QRSL1: variants seen among roughly 807,000 people sequenced by gnomAD.
QRSL1 encodes the protein glutaminyl-tRNA amidotransferase subunit QRSL1.
QRSL1 carries 54 observed loss-of-function variants against 61.6 expected under a neutral mutation model. That is an observed-to-expected ratio of 0.88 (90% CI 0.70 to 1.10). The LOEUF (loss-of-function observed/expected upper bound fraction) is 1.10. Ranked by LOEUF, QRSL1 falls within the 50% of genes least tolerant of loss-of-function variation. The pLI is 0.00. For synonymous variants in QRSL1, 228 were observed against 225.7 expected, an observed-to-expected ratio of 1.01 and a Z score of -0.09; for missense variants, 505 against 622.6, an observed-to-expected ratio of 0.81 and a Z score of 2.01.
chr6:106,643,816 G>T (rs138749371), intron 4 of QRSL1, among the ~76,000 whole-genome samples: 2 of 151,614 alleles, frequency 1.3e-5, no homozygotes, highest in East Asian at 3.9e-4. Flanking sequence ...AAGAGTAAAA[G>T]TTCTTAATTT....
intron 1 of QRSL1, among the ~76,000 whole-genome samples, chr6:106,638,711 C>T (rs948425040): frequency 6.6e-6 from 1 of 152,182 alleles, no homozygotes; most frequent in Admixed American, 6.5e-5. Context: ...CTGCAGCAGT[C>T]CTGCAGCCTC....
At chr6:106,655,871 C>T (rs1777262309) in intron 9 of QRSL1, 139 bp downstream of exon 9, 2 of 568,940 alleles carry the variant, frequency 3.5e-6, no homozygotes, top group African/African-American at 1.9e-5. Flanking sequence ...GTTTATGGCA[C>T]TTTTGGGTCC....
intron 3 of QRSL1, among the ~76,000 whole-genome samples, chr6:106,641,515 T>C (rs543209232): frequency 1.7e-3 from 252 of 152,310 alleles, no homozygotes; most frequent in African/African-American, 5.8e-3. Flanking sequence ...CTTTAGAGTT[T>C]GGTCAAAAGA....
At chr6:106,656,597 A>G (rs1430809580) in intron 9 of QRSL1, among the ~76,000 whole-genome samples, 1 of 152,250 alleles carries the variant, frequency 6.6e-6, no homozygotes, top group Non-Finnish European at 1.5e-5. Flanking sequence ...GTTTTTCTCC[A>G]TGCCCTCAAG....
chr6:106,633,023 C>CT (rs1262835175), intron 1 of QRSL1, among the ~76,000 whole-genome samples: 1 of 152,158 alleles, frequency 6.6e-6, no homozygotes, highest in Non-Finnish European at 1.5e-5. Flanking sequence ...TTTTTTAGTG[C>CT]TACTTCTCTC....
chr6:106,641,653 T>G (rs1479449915), intron 3 of QRSL1, among the ~76,000 whole-genome samples: 1 of 152,220 alleles, frequency 6.6e-6, no homozygotes, highest in Non-Finnish European at 1.5e-5. Context: ...ATATGCAGAC[T>G]GTTGTTAATT....
intron 10 of QRSL1, among the ~76,000 whole-genome samples, chr6:106,664,710 A>G (rs1777406190): frequency 6.6e-6 from 1 of 152,192 alleles, no homozygotes; most frequent in Non-Finnish European, 1.5e-5. Flanking sequence ...TCATGTCAGG[A>G]AACAGTTAAT....
chr6:106,636,900 T>C (rs1224132006), intron 1 of QRSL1, among the ~76,000 whole-genome samples: 1 of 152,220 alleles, frequency 6.6e-6, no homozygotes, highest in Non-Finnish European at 1.5e-5. Context: ...GGTATATTAG[T>C]TGTCTATGGC....
At chr6:106,639,103 A>G (rs1162356723) in intron 1 of QRSL1, among the ~76,000 whole-genome samples, 1 of 113,254 alleles carries the variant, frequency 8.8e-6, no homozygotes, top group Non-Finnish European at 1.7e-5. Context: ...TTGTGTGGTT[A>G]TTTGTGTGTT....
intron 1 of QRSL1, among the ~76,000 whole-genome samples, chr6:106,632,849 C>G (rs552099987): frequency 1.3e-5 from 2 of 152,138 alleles, no homozygotes; most frequent in Non-Finnish European, 2.9e-5. Context: ...TTATATACTT[C>G]GGTTATCAAT....
intron 7 of QRSL1, 152 bp downstream of exon 7, chr6:106,652,734 A>G (rs1012229927): frequency 5.0e-5 from 77 of 1,535,138 alleles, no homozygotes; most frequent in Non-Finnish European, 6.3e-5. Context: ...TTTTAGCTCA[A>G]TTTCCCCATC....
chr6:106,651,552 C>T (rs1450747512), intron 5 of QRSL1, among the ~76,000 whole-genome samples: 1 of 152,082 alleles, frequency 6.6e-6, no homozygotes, highest in Non-Finnish European at 1.5e-5. Context: ...AGTACTCACA[C>T]ATAAGCAAAA....
At position 106,658,821 on chromosome 6, in the gene QRSL1, A is replaced by G. The variant is rs1323194199; in HGVS notation, c.1160+3089A>G. Among the ~76,000 whole-genome samples, 6 of 152,204 alleles carry G rather than the reference A, an allele frequency of 3.9e-5. No homozygotes were observed. In the East Asian group the frequency reaches 1.2e-3, roughly 29 times the overall value. On this transcript the variant is annotated intron_variant, in intron 9 of 10. Transcript: ENST00000369046. ...TTAAGCAGCTTTGATCTGTTGGGTT[A>G]TAGTTTTAATCAAATTTGGAACATT...
At chr6:106,644,681 C>T (rs1175872650) in intron 4 of QRSL1, among the ~76,000 whole-genome samples, 1 of 151,998 alleles carries the variant, frequency 6.6e-6, no homozygotes, top group African/African-American at 2.4e-5. Flanking sequence ...CCACCGGGCC[C>T]AGCTAATTTT....
rs1777468720 is a variant in QRSL1 at position 106,667,992 on chromosome 6, C to T, written c.*1990C>T. On this transcript the variant is annotated 3_prime_UTR_variant, in exon 11 of 11. Coordinates refer to ENST00000369046, the MANE Select transcript of QRSL1 (RefSeq NM_018292.5). The stretch of plus-strand genomic sequence containing the variant: ...AGAGAGAGAGAGAGATGGGCTCTCC[C>T]TGTGTTGCCCAGGCTAGTCTCAAAC... 6.6e-6 allele frequency: 1 copy of T among 151,972 alleles called. No homozygotes were observed. The highest frequency in any genetic ancestry group is 1.5e-5 in the Non-Finnish European group (1 of 68,012). The allele number at this position is 151,972 out of a possible 1,614,324, so 9.4% of individuals were successfully genotyped here.
chr6:106,651,382 A>G (rs1777185667), intron 5 of QRSL1, among the ~76,000 whole-genome samples: 1 of 152,224 alleles, frequency 6.6e-6, no homozygotes, highest in African/African-American at 2.4e-5. Flanking sequence ...AACAATTTTA[A>G]AAATTACTAG....
chr6:106,649,874 T>C (rs1371115680), intron 5 of QRSL1, among the ~76,000 whole-genome samples: 1 of 152,206 alleles, frequency 6.6e-6, no homozygotes, highest in Non-Finnish European at 1.5e-5. Context: ...GCTGTGTTTA[T>C]CAGTCTCAAT....
In QRSL1 at chr6:106,635,030, G is replaced by A. The variant is rs528942523; in HGVS notation, c.25-5319G>A. Among the ~76,000 whole-genome samples, 23 of 151,974 alleles carry A rather than the reference G, an allele frequency of 1.5e-4. 1 individual carries two copies. In the South Asian group the frequency reaches 4.2e-3, roughly 28 times the overall value. Reference sequence around the variant, plus strand: ...TTTGTTCTGGATGTGTTAATTTTTAGATGCCTCCTAGATATCCAAGTGAAG... The same window carrying A: ...TTTGTTCTGGATGTGTTAATTTTTAAATGCCTCCTAGATATCCAAGTGAAG... On this transcript the variant is annotated intron_variant, in intron 1 of 10. Coordinates refer to ENST00000369046, the MANE Select transcript of QRSL1 (RefSeq NM_018292.5).
At position 106,652,272 on chromosome 6, in the gene QRSL1, T is replaced by A; in HGVS notation, c.621T>A (p.Gly207=). 6.2e-7 allele frequency: 1 copy of A among 1,614,200 alleles called. No homozygotes were observed. Among genetic ancestry groups the A allele is most frequent in the Non-Finnish European group, 8.5e-7 (1 of 1,180,032 alleles). ...CTGCTGCCCACTGTGGGCTTGTTGG[T>A]TTCAAACCAAGCTATGGCTTAGTTT... ...RNPAAHCGLV[G]FKPSYGLVSR... The change falls in exon 6 of 11, where the codon GGT becomes GGA. Residue 207 remains glycine, a synonymous_variant. Transcript: ENST00000369046.
Sources: allele counts gnomAD v4.1 joint callset (sites outside exome capture counted in the v4.1 genomes callset), GRCh38; gene constraint gnomAD v4.1.1; transcripts MANE v1.5; gene names NCBI Gene and HGNC (gene_info 2026-07-23, HGNC 2026-07-21).